Variants in COBL observed in about 807,000 individuals in gnomAD.
The protein encoded by COBL is protein cordon-bleu.
COBL carries 51 observed loss-of-function variants against 98.8 expected under a neutral mutation model. The observed-to-expected ratio is 0.52, with a 90% CI of 0.41 to 0.65. The LOEUF is 0.65. Among genes scored for constraint, COBL ranks in the 30% least tolerant of loss-of-function variants. The pLI, the probability that COBL is intolerant of heterozygous loss-of-function variation, is 0.00. For missense variants in COBL, 1,617 were observed against 1,617.5 expected, an observed-to-expected ratio of 1.00 and a Z score of 0.01; for synonymous variants, 634 against 651.7, an observed-to-expected ratio of 0.97 and a Z score of 0.41.
intron 8 of COBL, among the ~76,000 whole-genome samples, chr7:51,038,263 C>T (rs1001368302): frequency 6.6e-6 from 1 of 152,214 alleles, no homozygotes; most frequent in African/African-American, 2.4e-5. Context: ...CCCACCAATG[C>T]TGCCATGTAT....
intron 5 of COBL, among the ~76,000 whole-genome samples, chr7:51,140,961 C>A (rs1281450780): frequency 2.0e-5 from 3 of 152,140 alleles, no homozygotes; most frequent in African/African-American, 7.2e-5. Flanking sequence ...GATATCCTCA[C>A]AGAGCTGCCT....
chr7:51,098,224 C>CT (rs551768231), intron 6 of COBL, among the ~76,000 whole-genome samples: 10,446 of 100,852 alleles, frequency 0.1, 1,929 homozygotes, highest in East Asian at 0.41. Context: ...ATAGCAGTTT[C>CT]TTTTTTTTTT....
intron 5 of COBL, among the ~76,000 whole-genome samples, chr7:51,149,796 C>T (rs1785388843): frequency 6.6e-6 from 1 of 152,084 alleles, no homozygotes; most frequent in Non-Finnish European, 1.5e-5. Flanking sequence ...CGTAGAGCTG[C>T]GGTTTCAGCA....
chr7:51,084,028 GGTTTA>G (rs2128938414), intron 7 of COBL, among the ~76,000 whole-genome samples: 1 of 152,254 alleles, frequency 6.6e-6, no homozygotes, highest in South Asian at 2.1e-4. Context: ...GAGAAAACCA[GGTTTA>G]TTTTAATGAT....
chr7:51,115,989 T>C (rs1028530847), intron 6 of COBL, among the ~76,000 whole-genome samples: 1 of 152,108 alleles, frequency 6.6e-6, no homozygotes, highest in East Asian at 1.9e-4. Flanking sequence ...TCTAGTAATA[T>C]GTAAGGCTAT....
chr7:51,089,609 A>C (rs1385571389), intron 6 of COBL, among the ~76,000 whole-genome samples: 1 of 152,216 alleles, frequency 6.6e-6, no homozygotes, highest in Non-Finnish European at 1.5e-5. Context: ...GTCACAGTGA[A>C]GTAATACTTT....
chr7:51,236,276 T>C (rs1320118475), intron 1 of COBL, among the ~76,000 whole-genome samples: 1 of 152,120 alleles, frequency 6.6e-6, no homozygotes, highest in Admixed American at 6.5e-5. Flanking sequence ...TAGAGGGGGA[T>C]TCAGAGGTAG....
rs1207835022 is a variant in COBL, at chr7:51,193,383, G to A, written c.452C>T (p.Pro151Leu). The A allele has an allele frequency of 1.2e-6, 2 of 1,614,052 alleles. No homozygotes were observed. The highest frequency in any genetic ancestry group is 2.2e-5 in the South Asian group (2 of 91,070). Residue 151 changes from proline to leucine, a missense_variant, in exon 3 of 13, where the codon CCT (proline) becomes CTT (leucine). This residue lies in a region of COBL where 238 missense variants were observed against 215.0 expected (regional missense o/e 1.11). Coordinates refer to ENST00000265136, the MANE Select transcript of COBL (RefSeq NM_015198.5). ...TCCATGTAGGTACCTACTAACCTCA[G>A]GCACCTTAGGGGGACCAGGCTTAAC... ...EKVKPGPPKVPEKSVRLVVNY... is the reference protein window; with the variant it reads ...EKVKPGPPKVLEKSVRLVVNY...
chr7:51,291,783 A>G (rs1026019901), intron 1 of COBL, among the ~76,000 whole-genome samples: 2 of 152,124 alleles, frequency 1.3e-5, no homozygotes, highest in Admixed American at 6.6e-5. Context: ...AAGATTTATC[A>G]GTGCACAATC....
chr7:51,158,181 CTGTT>C (rs981897616), intron 5 of COBL, among the ~76,000 whole-genome samples: 3 of 152,046 alleles, frequency 2.0e-5, no homozygotes, highest in Non-Finnish European at 2.9e-5. Flanking sequence ...TGATATGGGA[CTGTT>C]TATTTATTAT....
At chr7:51,036,716 C>T (rs375396132) in intron 8 of COBL, among the ~76,000 whole-genome samples, 26 of 152,130 alleles carry the variant, frequency 1.7e-4, no homozygotes, top group African/African-American at 5.1e-4. Flanking sequence ...AATGGGACAT[C>T]GGGCACTCCA....
chr7:51,102,782 T>C (rs1241401253), intron 6 of COBL, among the ~76,000 whole-genome samples: 2 of 152,214 alleles, frequency 1.3e-5, no homozygotes, highest in Non-Finnish European at 2.9e-5. Context: ...CATGTGGGTC[T>C]CCTCAGTGCC....
At chr7:51,241,358 C>T (rs890000407) in intron 1 of COBL, among the ~76,000 whole-genome samples, 5 of 152,170 alleles carry the variant, frequency 3.3e-5, no homozygotes, top group African/African-American at 1.2e-4. Flanking sequence ...AATTCAGTGT[C>T]TAAACTCATT....
At chr7:51,183,683 G>A (rs933111471) in intron 5 of COBL, among the ~76,000 whole-genome samples, 2 of 152,186 alleles carry the variant, frequency 1.3e-5, no homozygotes, top group African/African-American at 2.4e-5. Context: ...TCTCTGCCAC[G>A]AGGCATAAGC....
chr7:51,073,941 C>A (rs2128926282), intron 7 of COBL, among the ~76,000 whole-genome samples: 1 of 152,208 alleles, frequency 6.6e-6, no homozygotes, highest in South Asian at 2.1e-4. Flanking sequence ...ACCTGTGGAG[C>A]AAACTCCTCT....
intron 5 of COBL, among the ~76,000 whole-genome samples, chr7:51,163,230 G>T (rs916760497): frequency 3.9e-5 from 6 of 152,210 alleles, no homozygotes; most frequent in African/African-American, 1.2e-4. Context: ...GATCAATGGC[G>T]TGGAAAAAAT....
intron 6 of COBL, among the ~76,000 whole-genome samples, chr7:51,089,358 T>C (rs1301771223): frequency 2.0e-5 from 3 of 151,772 alleles, no homozygotes; most frequent in African/African-American, 7.3e-5. Context: ...CTACTGAATA[T>C]ATAAAAATTA....
chr7:51,131,765 T>C (rs1798765461), intron 6 of COBL, among the ~76,000 whole-genome samples: 1 of 152,124 alleles, frequency 6.6e-6, no homozygotes, highest in Admixed American at 6.5e-5. Flanking sequence ...AGCTAATTTT[T>C]GTATTTTTAG....
At chr7:51,213,079 G>A (rs907905188) in intron 2 of COBL, among the ~76,000 whole-genome samples, 1 of 152,240 alleles carries the variant, frequency 6.6e-6, no homozygotes, top group Non-Finnish European at 1.5e-5. Flanking sequence ...AACTGGTCCA[G>A]AGTGGCCTAG....
Sources: allele counts gnomAD v4.1 joint callset (sites outside exome capture counted in the v4.1 genomes callset), GRCh38; gene constraint gnomAD v4.1.1; regional missense constraint gnomAD v4.1.1; transcripts MANE v1.5; gene names NCBI Gene and HGNC (gene_info 2026-07-23, HGNC 2026-07-21).